ADGRL3: variants seen among roughly 807,000 people sequenced by gnomAD.
ADGRL3 encodes calcium-independent alpha-latrotoxin receptor 3.
Under a neutral mutation model 153.5 loss-of-function variants are expected in ADGRL3, and 62 were observed. The ratio of observed to expected loss-of-function variants is 0.40; its 90% CI spans 0.33 to 0.50. The LOEUF (loss-of-function observed/expected upper bound fraction) is 0.50, where lower values mean the gene tolerates loss of function less well. Ranked by LOEUF, ADGRL3 falls within the 20% of genes least tolerant of loss-of-function variation. The probability of loss-of-function intolerance (pLI) is 0.47; values close to 1 mark genes in which losing one functional copy is unlikely to be tolerated. For missense variants in ADGRL3, 1,641 were observed against 1,859.4 expected (o/e 0.88, Z 2.16); for synonymous variants, 710 against 672.5 (o/e 1.06, Z -0.86).
At chr4:61,660,436 A>T (rs961034191) in intron 5 of ADGRL3, among the ~76,000 whole-genome samples, 3 of 152,092 alleles carry the variant, frequency 2.0e-5, no homozygotes, top group Non-Finnish European at 4.4e-5. Context: ...CTCTGGCTAT[A>T]CCCACATGTA....
At chr4:61,378,209 A>G (rs552963338) in intron 1 of ADGRL3, among the ~76,000 whole-genome samples, 1 of 152,146 alleles carries the variant, frequency 6.6e-6, no homozygotes, top group South Asian at 2.1e-4. Flanking sequence ...TTTTCTTGAT[A>G]AACATTTCCT....
intron 9 of ADGRL3, among the ~76,000 whole-genome samples, chr4:61,831,536 A>G (rs1438377833): frequency 6.6e-6 from 1 of 151,908 alleles, no homozygotes; most frequent in Admixed American, 6.6e-5. Flanking sequence ...ACTGTGAAAG[A>G]ATGCAATTTC....
chr4:62,008,271 T>C (rs1232829360), intron 21 of ADGRL3, among the ~76,000 whole-genome samples: 4 of 152,176 alleles, frequency 2.6e-5, no homozygotes, highest in Admixed American at 6.6e-5. Context: ...GCATGAGATA[T>C]GTTACAGTCT....
At chr4:61,690,264 G>A (rs916832719) in intron 6 of ADGRL3, among the ~76,000 whole-genome samples, 2 of 152,026 alleles carry the variant, frequency 1.3e-5, no homozygotes, top group African/African-American at 4.8e-5. Context: ...TGGTAACATA[G>A]TGAGACCATG....
chr4:61,639,955 A>G (rs1239012835), intron 5 of ADGRL3, among the ~76,000 whole-genome samples: 1 of 152,144 alleles, frequency 6.6e-6, no homozygotes, highest in Admixed American at 6.6e-5. Flanking sequence ...ACCCACACTC[A>G]TTAAAGGAGC....
At chr4:61,623,051 T>G (rs1051109065) in intron 5 of ADGRL3, among the ~76,000 whole-genome samples, 1 of 152,110 alleles carries the variant, frequency 6.6e-6, no homozygotes, top group Non-Finnish European at 1.5e-5. Context: ...GAAAATGGTT[T>G]TGAAATCTCT....
Position 61,220,575 on chromosome 4 carries a change from T to A in ADGRL3, c.-240+18810T>A, listed in dbSNP as rs952947621. On this transcript the variant is annotated intron_variant, in intron 1 of 26. Coordinates refer to ENST00000683033, the MANE Select transcript of ADGRL3 (RefSeq NM_001387552.1). ...AGATTCAGTTAGGAAAAATTAGTGC[T>A]ATCACCACCCTTGCTTCATGTAGAA... Among the ~76,000 whole-genome samples, 15 of 152,226 alleles carry A rather than the reference T, an allele frequency of 9.9e-5. No homozygotes were observed. The South Asian group carries it at 1.9e-3, about 19-fold the overall frequency.
intron 1 of ADGRL3, among the ~76,000 whole-genome samples, chr4:61,245,992 C>T (rs756298352): frequency 6.6e-6 from 1 of 152,078 alleles, no homozygotes; most frequent in Non-Finnish European, 1.5e-5. Context: ...AGTTTGTTAG[C>T]ATCTGATCTG....
chr4:61,956,891 T>C (rs1243734567), intron 17 of ADGRL3, among the ~76,000 whole-genome samples: 4 of 152,144 alleles, frequency 2.6e-5, no homozygotes, highest in Admixed American at 6.5e-5. Context: ...GTTCCATTGG[T>C]CTATATGTTT....
Position 61,534,547 on chromosome 4 carries a change from T to C in ADGRL3, c.259+17029T>C, listed in dbSNP as rs528236282. On this transcript the variant is annotated intron_variant, in intron 4 of 26. Transcript: ENST00000683033. ...TTGGGGAGTATAGTCATTTTAATGA[T>C]AATTGACTCTTCCTATGCATGAGCA... 6.6e-5 allele frequency among the ~76,000 whole-genome samples: 10 copies of C among 152,294 alleles called. No individual in the cohort carries two copies. In the South Asian group the frequency reaches 2.1e-3, roughly 32 times the overall value.
chr4:61,548,447 T>A (rs2098724427), intron 4 of ADGRL3, among the ~76,000 whole-genome samples: 1 of 152,120 alleles, frequency 6.6e-6, no homozygotes, highest in Non-Finnish European at 1.5e-5. Context: ...CATCTTTAGT[T>A]GATTTTTGCA....
intron 2 of ADGRL3, among the ~76,000 whole-genome samples, chr4:61,419,126 C>A (rs529140785): frequency 6.6e-6 from 1 of 150,744 alleles, no homozygotes; most frequent in East Asian, 2.1e-4. Flanking sequence ...TACAGTAAAT[C>A]TTCAGTTAAC....
chr4:61,742,267 C>T (rs1183098894), intron 8 of ADGRL3, among the ~76,000 whole-genome samples: 1 of 151,708 alleles, frequency 6.6e-6, no homozygotes, highest in East Asian at 1.9e-4. Flanking sequence ...ATTATTCTTA[C>T]TCTTCTTCTT....
chr4:61,614,254 T>C lies in ADGRL3; in HGVS notation c.473+26814T>C, dbSNP rs549709171. 6.6e-5 allele frequency among the ~76,000 whole-genome samples: 10 copies of C among 152,302 alleles called. No individual in the cohort carries two copies. The South Asian group carries it at 2.1e-3, about 32-fold the overall frequency. On this transcript the variant is annotated intron_variant, in intron 5 of 26. Coordinates refer to ENST00000683033, the MANE Select transcript of ADGRL3 (RefSeq NM_001387552.1). ...ACTAATAGCATTATGCATGCTTACA[T>C]TGAGAATCACCTCAAAAAAATTGAA...
chr4:61,443,916 G>C (rs2097552902), intron 2 of ADGRL3, among the ~76,000 whole-genome samples: 1 of 152,130 alleles, frequency 6.6e-6, no homozygotes, highest in Non-Finnish European at 1.5e-5. Flanking sequence ...CAGTCGGTGT[G>C]ATTTTAAATA....
Position 61,459,864 on chromosome 4 carries a change from T to A in ADGRL3, c.-173-37257T>A, listed in dbSNP as rs542523968. On this transcript the variant is annotated intron_variant, in intron 2 of 26. Transcript: ENST00000683033. ...CAAAACTTCTGGATCATTTTTGTAATGTATCTGTTGGTCATTTGTATGCTG... is the reference window on the plus strand; with the variant it reads ...CAAAACTTCTGGATCATTTTTGTAAAGTATCTGTTGGTCATTTGTATGCTG... Among the ~76,000 whole-genome samples the A allele has an allele frequency of 2.3e-4, 35 of 152,282 alleles. 1 individual carries two copies. The highest frequency in any genetic ancestry group is 8.2e-4 in the African/African-American group (34 of 41,576).
chr4:61,609,054 T>G (rs1273862464), intron 5 of ADGRL3, among the ~76,000 whole-genome samples: 1 of 152,186 alleles, frequency 6.6e-6, no homozygotes, highest in African/African-American at 2.4e-5. Context: ...AATGCTTATT[T>G]GTTAGTGTTT....
intron 9 of ADGRL3, among the ~76,000 whole-genome samples, chr4:61,838,743 T>C (rs2097976925): frequency 6.6e-6 from 1 of 152,214 alleles, no homozygotes; most frequent in African/African-American, 2.4e-5. Context: ...CTTTTATCTT[T>C]AAGTAAAGGC....
chr4:61,697,132 A>C (rs2095657443), intron 6 of ADGRL3, among the ~76,000 whole-genome samples: 1 of 152,206 alleles, frequency 6.6e-6, no homozygotes, highest in Admixed American at 6.5e-5. Context: ...ATATCCTTAA[A>C]AAATTTATCA....
Sources: gnomAD v4.1 joint callset for allele counts (sites outside exome capture counted in the v4.1 genomes callset) on GRCh38, gnomAD v4.1.1 for gene constraint, MANE v1.5 for transcripts, NCBI Gene and HGNC (gene_info 2026-07-23, HGNC 2026-07-21) for gene names.